Variants in MARCHF3 observed in about 807,000 individuals in gnomAD.
MARCHF3 encodes membrane associated ring-CH-type finger 3, also known as E3 ubiquitin-protein ligase MARCHF3.
MARCHF3 carries 13 observed loss-of-function variants against 24.2 expected under a neutral mutation model. The observed-to-expected ratio is 0.54, with a 90% confidence interval of 0.35 to 0.85. The LOEUF (loss-of-function observed/expected upper bound fraction) is 0.85. MARCHF3 is among the 40% of genes least tolerant of loss of function. MARCHF3 has a pLI of 0.01. For missense variants in MARCHF3, 276 were observed against 325.0 expected (o/e 0.85, Z 1.16); for synonymous variants, 144 against 137.3 (o/e 1.05, Z -0.34).
chr5:126,869,582 C>CTTTTTTTTTTTTTTTTTTT lies in MARCHF3; in HGVS notation c.*1032_*1050dup, dbSNP rs10653981. 6 of 79,832 alleles carry CTTTTTTTTTTTTTTTTTTT rather than the reference C, an allele frequency of 7.5e-5. No individual in the cohort carries two copies. The highest frequency in any genetic ancestry group is 1.8e-4 in the Admixed American group (1 of 5,410). The allele number at this position is 79,832 out of a possible 1,614,324, so 4.9% of individuals were successfully genotyped here. On this transcript the variant is annotated 3_prime_UTR_variant, in exon 5 of 5. Coordinates refer to ENST00000308660, the MANE Select transcript of MARCHF3 (RefSeq NM_178450.5). ...ATAAGTGCAGGGCTGCTAGGACAGG[C>CTTTTTTTTTTTTTTTTTTT]TTTTTTTTTTTTTTTTTTTTTTGCC...
At chr5:126,988,907 T>C (rs529908332) in intron 1 of MARCHF3, among the ~76,000 whole-genome samples, 1 of 152,228 alleles carries the variant, frequency 6.6e-6, no homozygotes, top group South Asian at 2.1e-4. Flanking sequence ...ACAAAAACTT[T>C]AAAAGGGAAT....
At chr5:126,919,388 C>T (rs1432680725) in intron 1 of MARCHF3, among the ~76,000 whole-genome samples, 1 of 152,220 alleles carries the variant, frequency 6.6e-6, no homozygotes, top group East Asian at 1.9e-4. Context: ...CAGTAGACAG[C>T]AGCAGGATTA....
intron 1 of MARCHF3, among the ~76,000 whole-genome samples, chr5:126,926,364 C>T (rs900440352): frequency 1.3e-5 from 2 of 152,130 alleles, no homozygotes; most frequent in Non-Finnish European, 2.9e-5. Flanking sequence ...CCCTGGAGCA[C>T]TTTCAGGCCC....
intron 1 of MARCHF3, among the ~76,000 whole-genome samples, chr5:126,987,377 T>C (rs77704980): frequency 0.02 from 3,099 of 152,300 alleles, 75 homozygotes; most frequent in South Asian, 0.11. Flanking sequence ...TAAAAAAGAC[T>C]GTAACATAGA....
chr5:127,020,717 A>G (rs1178515443), intron 1 of MARCHF3, among the ~76,000 whole-genome samples: 1 of 151,856 alleles, frequency 6.6e-6, no homozygotes, highest in Non-Finnish European at 1.5e-5. Flanking sequence ...TGGGCATGGT[A>G]GCGCGCATTT....
intron 1 of MARCHF3, among the ~76,000 whole-genome samples, chr5:126,966,493 T>C (rs1385632206): frequency 6.6e-6 from 1 of 152,100 alleles, no homozygotes; most frequent in African/African-American, 2.4e-5. Context: ...TCCTGTTATT[T>C]TTCCTTAGTT....
rs149131759 is a variant in MARCHF3, at chr5:126,896,087, C to T, written c.394-17693G>A. Among the ~76,000 whole-genome samples, 1,290 of 152,318 alleles carry T rather than the reference C, an allele frequency of 8.5e-3. 28 individuals are homozygous for T. The highest frequency in any genetic ancestry group is 0.025 in the East Asian group (132 of 5,192). On this transcript the variant is annotated intron_variant, in intron 3 of 4. Transcript: ENST00000308660. ...ACCCGATTTTCCAGGTGCCGTCCGT[C>T]ACCCCTTTCTTTGACTCAGAAAGGG...
intron 2 of MARCHF3, among the ~76,000 whole-genome samples, chr5:126,916,641 A>G (rs1042250947): frequency 6.7e-6 from 1 of 149,402 alleles, no homozygotes; most frequent in African/African-American, 2.4e-5. Flanking sequence ...CCTGGTTTAC[A>G]GTACCGCATG....
intron 3 of MARCHF3, among the ~76,000 whole-genome samples, chr5:126,904,024 A>T (rs937715106): frequency 1.1e-4 from 16 of 139,706 alleles, no homozygotes; most frequent in Non-Finnish European, 1.7e-4. Flanking sequence ...CCATGTGTTC[A>T]CATTGTTCAA....
At chr5:126,874,160 A>G (rs1287602270) in intron 4 of MARCHF3, among the ~76,000 whole-genome samples, 2 of 152,268 alleles carry the variant, frequency 1.3e-5, no homozygotes, top group East Asian at 3.9e-4. Flanking sequence ...CATCTAACTA[A>G]CCTCCTATCA....
Position 126,918,487 on chromosome 5 carries a change from C to T in MARCHF3, c.-56-260G>A, listed in dbSNP as rs545829216. ...AAACATTTAGCAGCCCTGCTTTCCACGAGGGGACAGAATGATGACTCTGAG... is the reference window on the plus strand; with the variant it reads ...AAACATTTAGCAGCCCTGCTTTCCATGAGGGGACAGAATGATGACTCTGAG... On this transcript the variant is annotated intron_variant, in intron 1 of 4. Transcript: ENST00000308660. Among the ~76,000 whole-genome samples, 14 of 152,168 alleles carry T rather than the reference C, an allele frequency of 9.2e-5. No individual in the cohort carries two copies. In the South Asian group the frequency reaches 1.9e-3, roughly 20 times the overall value.
intron 1 of MARCHF3, among the ~76,000 whole-genome samples, chr5:126,960,103 A>G (rs1348161492): frequency 6.6e-6 from 1 of 152,212 alleles, no homozygotes; most frequent in Non-Finnish European, 1.5e-5. Context: ...GGTTTGATCC[A>G]GCCTGGTTTC....
intron 1 of MARCHF3, among the ~76,000 whole-genome samples, chr5:126,925,523 AAATT>A (rs538124094): frequency 3.0e-4 from 45 of 152,336 alleles, no homozygotes; most frequent in African/African-American, 1.1e-3. Context: ...AGTACTTATG[AAATT>A]AATTCAGATT....
intron 1 of MARCHF3, among the ~76,000 whole-genome samples, chr5:126,971,531 T>A (rs1180389324): frequency 6.6e-6 from 1 of 152,076 alleles, no homozygotes; most frequent in Non-Finnish European, 1.5e-5. Flanking sequence ...AGGTCTATTG[T>A]ACCTTAAGCT....
intron 3 of MARCHF3, among the ~76,000 whole-genome samples, chr5:126,907,517 A>G (rs1330490123): frequency 6.6e-6 from 1 of 151,948 alleles, no homozygotes; most frequent in Non-Finnish European, 1.5e-5. Flanking sequence ...TTGGGTGCAT[A>G]TATATATTTA....
At chr5:126,956,567 C>T (rs756739544) in intron 1 of MARCHF3, among the ~76,000 whole-genome samples, 5 of 148,512 alleles carry the variant, frequency 3.4e-5, no homozygotes, top group Non-Finnish European at 5.9e-5. Flanking sequence ...ATCACTTGAA[C>T]CTGGGAGGTG....
intron 1 of MARCHF3, among the ~76,000 whole-genome samples, chr5:126,926,185 A>T (rs1452800873): frequency 6.6e-6 from 1 of 152,210 alleles, no homozygotes; most frequent in Non-Finnish European, 1.5e-5. Flanking sequence ...AAGCCTCCAG[A>T]AGCCTAGAAT....
At chr5:126,899,025 A>C in intron 3 of MARCHF3, 7 of 985,338 alleles carry the variant, frequency 7.1e-6, no homozygotes, top group Non-Finnish European at 8.4e-6. Flanking sequence ...ACAAGCACCA[A>C]CATAACCTTC....
intron 4 of MARCHF3, among the ~76,000 whole-genome samples, chr5:126,876,278 A>G (rs1753152462): frequency 1.3e-5 from 2 of 152,248 alleles, no homozygotes; most frequent in Non-Finnish European, 2.9e-5. Flanking sequence ...AAAGCCCAGC[A>G]TTTAAGCTCA....
Sources: gnomAD v4.1 joint callset for allele counts (sites outside exome capture counted in the v4.1 genomes callset) on GRCh38, gnomAD v4.1.1 for gene constraint, MANE v1.5 for transcripts, NCBI Gene and HGNC (gene_info 2026-07-23, HGNC 2026-07-21) for gene names.